Variants in CXCL13 observed in about 807,000 individuals in gnomAD.
CXCL13 encodes the protein C-X-C motif chemokine 13.
A neutral mutation model predicts 12.2 loss-of-function variants in CXCL13; 7 were observed. The observed-to-expected ratio is 0.57, with a 90% CI of 0.33 to 1.07. The LOEUF (loss-of-function observed/expected upper bound fraction) is 1.07. Ranked by LOEUF, CXCL13 falls within the 50% of genes least tolerant of loss-of-function variation. CXCL13 has a pLI of 0.04. For synonymous variants in CXCL13, 47 were observed against 42.4 expected, an observed-to-expected ratio of 1.11 and a Z score of -0.42; for missense variants, 113 against 127.4, an observed-to-expected ratio of 0.89 and a Z score of 0.55.
At position 77,585,068 on chromosome 4, in the gene CXCL13, T is replaced by C. The variant is rs115522466; in HGVS notation, c.-42-20756T>C. Among the ~76,000 whole-genome samples the C allele has an allele frequency of 9.1e-3, 1,390 of 152,258 alleles. 17 individuals are homozygous for C. Among genetic ancestry groups the C allele is most frequent in the African/African-American group, 0.031 (1,304 of 41,540 alleles). ...ATGAGCTCATGACTACTTGCAAGCT[T>C]TCCTGAAGTAGAGCTCCAAATCACA... is the stretch of plus-strand genomic sequence containing the variant. On this transcript the variant is annotated intron_variant, in intron 1 of 4. Coordinates refer to the CXCL13 transcript ENST00000286758.
At position 77,573,574 on chromosome 4, in the gene CXCL13, A is replaced by G. The variant is rs78634915; in HGVS notation, c.-42-32250A>G. Reference sequence around the variant, plus strand: ...TAAAATTTAAGGTTACTAAAAATTCATTTGTAATTCTGTATATAAAATATG... The same window carrying G: ...TAAAATTTAAGGTTACTAAAAATTCGTTTGTAATTCTGTATATAAAATATG... On this transcript the variant is annotated intron_variant, in intron 1 of 4. Coordinates refer to the CXCL13 transcript ENST00000286758. Among the ~76,000 whole-genome samples, 598 of 152,052 alleles carry G rather than the reference A, an allele frequency of 3.9e-3. 10 individuals are homozygous for G. Among genetic ancestry groups the G allele is most frequent in the East Asian group, 0.033 (170 of 5,190 alleles).
chr4:77,573,334 G>T (rs1229396435), intron 1 of CXCL13, among the ~76,000 whole-genome samples: 1 of 150,626 alleles, frequency 6.6e-6, no homozygotes, highest in African/African-American at 2.5e-5. Flanking sequence ...CAAGACTAGA[G>T]TTCCAAGAAA....
intron 1 of CXCL13, among the ~76,000 whole-genome samples, chr4:77,552,026 C>T (rs561904899): frequency 1.2e-4 from 18 of 152,176 alleles, no homozygotes; most frequent in Admixed American, 9.2e-4. Context: ...TCAACCTTAT[C>T]TTGTATCTCA....
At chr4:77,547,133 A>C (rs1257659173) in intron 1 of CXCL13, among the ~76,000 whole-genome samples, 1 of 152,136 alleles carries the variant, frequency 6.6e-6, no homozygotes, top group Non-Finnish European at 1.5e-5. Context: ...GTTCTTTTAC[A>C]TTTGCTGAGG....
chr4:77,541,842 G>A (rs1011560835), intron 1 of CXCL13, among the ~76,000 whole-genome samples: 2 of 152,230 alleles, frequency 1.3e-5, no homozygotes, highest in Admixed American at 6.5e-5. Flanking sequence ...TTCCAATCAT[G>A]AGCATGGAAT....
At chr4:77,514,999 G>A (rs1724378801) in intron 1 of CXCL13, among the ~76,000 whole-genome samples, 1 of 152,074 alleles carries the variant, frequency 6.6e-6, no homozygotes, top group Non-Finnish European at 1.5e-5. Flanking sequence ...TGTAAGGAAG[G>A]GATCCAGTTT....
At chr4:77,580,322 T>TTC in intron 1 of CXCL13, among the ~76,000 whole-genome samples, 1 of 94,800 alleles carries the variant, frequency 1.1e-5, no homozygotes, top group Non-Finnish European at 2.1e-5. Flanking sequence ...TTTTTTTTTT[T>TTC]TTTTTTTTTT....
intron 1 of CXCL13, among the ~76,000 whole-genome samples, chr4:77,568,780 G>T (rs1045091799): frequency 1.3e-5 from 2 of 152,148 alleles, no homozygotes; most frequent in South Asian, 4.1e-4. Context: ...TTTGGCATTG[G>T]CATTCTCTCT....
intron 1 of CXCL13, among the ~76,000 whole-genome samples, chr4:77,541,814 C>G (rs976930556): frequency 6.6e-6 from 1 of 152,058 alleles, no homozygotes; most frequent in Non-Finnish European, 1.5e-5. Flanking sequence ...TGTGGTATGG[C>G]CATTTTAATG....
chr4:77,574,175 T>C (rs1726155989), intron 1 of CXCL13, among the ~76,000 whole-genome samples: 3 of 151,882 alleles, frequency 2.0e-5, no homozygotes, highest in Admixed American at 2.0e-4. Flanking sequence ...TTGTTTTTTG[T>C]TGTTTGTTTG....
At chr4:77,571,852 C>A (rs527736163) in intron 1 of CXCL13, among the ~76,000 whole-genome samples, 2 of 151,794 alleles carry the variant, frequency 1.3e-5, no homozygotes, top group Non-Finnish European at 2.9e-5. Flanking sequence ...TAACACTCAC[C>A]GCGAAGATCT....
chr4:77,552,304 G>A lies in CXCL13; in HGVS notation c.-43+40516G>A, dbSNP rs72861926. On this transcript the variant is annotated intron_variant, in intron 1 of 4. Coordinates refer to the CXCL13 transcript ENST00000286758. ...ACATTTTTTTCCCTTTCCTTTCCCC[G>A]ACTTCCTAGGGAATGTGACTGTAGA... Among the ~76,000 whole-genome samples, 292 of 151,398 alleles carry A rather than the reference G, an allele frequency of 1.9e-3. 2 individuals carry two copies. Among genetic ancestry groups the A allele is most frequent in the African/African-American group, 6.5e-3 (269 of 41,208 alleles).
intron 1 of CXCL13, among the ~76,000 whole-genome samples, chr4:77,543,952 A>T (rs562117853): frequency 6.6e-6 from 1 of 151,966 alleles, no homozygotes; most frequent in African/African-American, 2.4e-5. Context: ...CTGTGTCCAA[A>T]TGTTCTCATT....
intron 1 of CXCL13, among the ~76,000 whole-genome samples, chr4:77,566,538 A>G (rs1269608738): frequency 6.6e-6 from 1 of 151,926 alleles, no homozygotes; most frequent in East Asian, 1.9e-4. Context: ...CATAACATAA[A>G]CTTTACCATC....
At chr4:77,530,881 G>A (rs1230427597) in intron 1 of CXCL13, among the ~76,000 whole-genome samples, 4 of 151,506 alleles carry the variant, frequency 2.6e-5, no homozygotes, top group African/African-American at 7.3e-5. Flanking sequence ...TGTCAATTTT[G>A]GATCTTTCCT....
At chr4:77,604,810 A>G (rs1398035268), upstream of CXCL13, among the ~76,000 whole-genome samples, 1 of 152,208 alleles carries the variant, frequency 6.6e-6, no homozygotes, top group African/African-American at 2.4e-5. Flanking sequence ...CAAATTGTTT[A>G]GGAAATCGCG....
intron 1 of CXCL13, among the ~76,000 whole-genome samples, chr4:77,532,742 T>A (rs1267977710): frequency 6.6e-6 from 1 of 152,158 alleles, no homozygotes; most frequent in African/African-American, 2.4e-5. Flanking sequence ...GCTTTGTTCA[T>A]TTCTTTTTAT....
intron 1 of CXCL13, among the ~76,000 whole-genome samples, chr4:77,553,838 A>T (rs1018071594): frequency 3.9e-5 from 6 of 152,192 alleles, no homozygotes; most frequent in African/African-American, 1.4e-4. Context: ...TAAAAAGCAA[A>T]ATCCAAATAT....
In CXCL13 at chr4:77,581,447, C is replaced by T. The variant is rs376455030; in HGVS notation, c.-42-24377C>T. 3.4e-4 allele frequency among the ~76,000 whole-genome samples: 52 copies of T among 152,262 alleles called. No homozygotes were observed. In the East Asian group the frequency reaches 7.3e-3, roughly 21 times the overall value. ...AAATCCAGCTTTTTGCCATCAGAAT[C>T]TCTGGTATCAATGGCTCTATATTCC... On this transcript the variant is annotated intron_variant, in intron 1 of 4. Transcript: ENST00000286758.
Sources: gnomAD v4.1 joint callset for allele counts (sites outside exome capture counted in the v4.1 genomes callset) on GRCh38, gnomAD v4.1.1 for gene constraint, MANE v1.5 for transcripts, NCBI Gene and HGNC (gene_info 2026-07-23, HGNC 2026-07-21) for gene names.